Variants in KIF26B observed in about 807,000 individuals in gnomAD.
KIF26B encodes the protein kinesin family member 26B.
Under a neutral mutation model 151.2 loss-of-function variants are expected in KIF26B, and 63 were observed. That is an observed-to-expected ratio of 0.42 (90% CI 0.34 to 0.51). KIF26B has a LOEUF of 0.51. Ranked by LOEUF, KIF26B falls within the 20% of genes least tolerant of loss-of-function variation. KIF26B has a pLI of 0.07. For synonymous variants in KIF26B, 1,357 were observed against 1,262.1 expected, an observed-to-expected ratio of 1.08 and a Z score of -1.59; for missense variants, 2,813 against 2,913.6, an observed-to-expected ratio of 0.97 and a Z score of 0.79.
intron 5 of KIF26B, among the ~76,000 whole-genome samples, chr1:245,574,938 C>G (rs1321645284): frequency 6.8e-6 from 1 of 146,468 alleles, no homozygotes; most frequent in Non-Finnish European, 1.5e-5. Flanking sequence ...GATCTCGGCT[C>G]ACTGCAAGCT....
chr1:245,700,733 A>C (rs182961791), intron 14 of KIF26B, among the ~76,000 whole-genome samples: 3 of 152,308 alleles, frequency 2.0e-5, no homozygotes, highest in East Asian at 1.9e-4. Context: ...TGAGCAAAGA[A>C]AGACATGAAC....
At chr1:245,693,903 T>A (rs1241200775) in intron 12 of KIF26B, among the ~76,000 whole-genome samples, 1 of 152,206 alleles carries the variant, frequency 6.6e-6, no homozygotes, top group African/African-American at 2.4e-5. Context: ...CGAACCAACC[T>A]AGAGCCAGTT....
intron 2 of KIF26B, among the ~76,000 whole-genome samples, chr1:245,328,714 C>T (rs542578740): frequency 1.2e-4 from 18 of 152,268 alleles, no homozygotes; most frequent in South Asian, 4.1e-4. Flanking sequence ...GCACTGTGAC[C>T]GCCCTCCTGG....
At chr1:245,421,238 G>GT (rs1658481441) in intron 4 of KIF26B, among the ~76,000 whole-genome samples, 1 of 152,160 alleles carries the variant, frequency 6.6e-6, no homozygotes, top group South Asian at 2.1e-4. Flanking sequence ...CTCCTAGGAG[G>GT]TTATTAGAAC....
intron 2 of KIF26B, among the ~76,000 whole-genome samples, chr1:245,344,186 CTT>C (rs1252485114): frequency 1.3e-5 from 2 of 150,668 alleles, no homozygotes; most frequent in East Asian, 2.0e-4. Context: ...CTCCCTATCT[CTT>C]TCTTTCCTTT....
At chr1:245,460,390 G>A (rs914110640) in intron 4 of KIF26B, among the ~76,000 whole-genome samples, 1 of 152,120 alleles carries the variant, frequency 6.6e-6, no homozygotes, top group South Asian at 2.1e-4. Flanking sequence ...GTCAAATCCA[G>A]CCTGGAGTCC....
intron 2 of KIF26B, among the ~76,000 whole-genome samples, chr1:245,354,578 C>A (rs1672641743): frequency 6.6e-6 from 1 of 152,214 alleles, no homozygotes; most frequent in South Asian, 2.1e-4. Flanking sequence ...GGAGGCTGGG[C>A]CAGGCGGTCA....
At chr1:245,173,683 C>G (rs948796432) in intron 2 of KIF26B, among the ~76,000 whole-genome samples, 2 of 152,188 alleles carry the variant, frequency 1.3e-5, no homozygotes, top group Admixed American at 6.5e-5. Flanking sequence ...TCACTGCAGT[C>G]CCTTGGAGGG....
chr1:245,245,476 C>T (rs1325716525), intron 2 of KIF26B, among the ~76,000 whole-genome samples: 3 of 152,160 alleles, frequency 2.0e-5, no homozygotes, highest in African/African-American at 7.2e-5. Flanking sequence ...CTGGCTCAGT[C>T]TAGACTGCAG....
At chr1:245,365,274 C>A (rs551688775) in intron 2 of KIF26B, among the ~76,000 whole-genome samples, 2 of 152,348 alleles carry the variant, frequency 1.3e-5, no homozygotes, top group East Asian at 3.9e-4. Flanking sequence ...ACCTGAACCT[C>A]CCATTGCTTC....
chr1:245,543,673 G>A (rs1007172027), intron 5 of KIF26B, among the ~76,000 whole-genome samples: 1 of 152,200 alleles, frequency 6.6e-6, no homozygotes, highest in Non-Finnish European at 1.5e-5. Context: ...AAGTTGGCTG[G>A]GCGCGGTGGC....
At position 245,167,449 on chromosome 1, in the gene KIF26B, A is replaced by G. The variant is rs1668633544; in HGVS notation, c.465+10766A>G. Among the ~76,000 whole-genome samples, 1 of 152,168 alleles carries G rather than the reference A, an allele frequency of 6.6e-6. No individual in the cohort carries two copies. The highest frequency in any genetic ancestry group is 2.4e-5 in the African/African-American group (1 of 41,428). On this transcript the variant is annotated intron_variant, in intron 2 of 14. Coordinates refer to ENST00000407071, the MANE Select transcript of KIF26B (RefSeq NM_018012.4). This position sits in a 1 kb window ranked among gnomAD's most constrained non-coding sequence, Gnocchi z 4.2. ...CCCATGAAACTCTATCATCGTATTT[A>G]GAGTGGTTGCTTTCTTTGGGGTTAT...
intron 4 of KIF26B, among the ~76,000 whole-genome samples, chr1:245,430,512 A>T (rs539435210): frequency 3.3e-5 from 5 of 152,114 alleles, no homozygotes; most frequent in South Asian, 2.1e-4. Flanking sequence ...AGAAAAATTT[A>T]AAAAAGCAAC....
At chr1:245,421,410 G>A (rs771719084) in intron 4 of KIF26B, among the ~76,000 whole-genome samples, 1 of 152,116 alleles carries the variant, frequency 6.6e-6, no homozygotes, top group Non-Finnish European at 1.5e-5. Context: ...GTAGGCAAAG[G>A]CTAAATAACG....
At chr1:245,332,298 A>G (rs1349692657) in intron 2 of KIF26B, among the ~76,000 whole-genome samples, 1 of 152,170 alleles carries the variant, frequency 6.6e-6, no homozygotes, top group Admixed American at 6.5e-5. Flanking sequence ...TCATTCAGGC[A>G]GATGACTAAA....
chr1:245,202,633 G>T (rs918855473), intron 2 of KIF26B, among the ~76,000 whole-genome samples: 1 of 151,946 alleles, frequency 6.6e-6, no homozygotes, highest in African/African-American at 2.4e-5. Context: ...GGTGGCGGGC[G>T]CCTGTAGTCC....
At position 245,702,596 on chromosome 1, in the gene KIF26B, G is replaced by A; in HGVS notation, c.6317G>A (p.Arg2106Lys). The A allele has an allele frequency of 6.2e-7, 1 of 1,613,814 alleles. No homozygotes were observed. The highest frequency in any genetic ancestry group is 8.5e-7 in the Non-Finnish European group (1 of 1,179,800). The change falls in exon 15 of 15, where the codon AGG (arginine) becomes AAG (lysine). Residue 2106 changes from arginine to lysine, a missense_variant. This residue lies in a region of KIF26B where 2,060 missense variants were observed against 2,088.6 expected (regional missense o/e 0.99). Transcript: ENST00000407071. This position sits in a 1 kb window ranked among gnomAD's most constrained non-coding sequence, Gnocchi z 4.1. ...ATCACCTGCTTCGACATCACCTCCA[G>A]GCGCCGGTAGATGAGCCAGACCCTT... is the stretch of plus-strand genomic sequence containing the variant. ...MMITCFDITS[R>K]RR
At chr1:245,419,012 A>C (rs1470924529) in intron 3 of KIF26B, among the ~76,000 whole-genome samples, 1 of 152,194 alleles carries the variant, frequency 6.6e-6, no homozygotes, top group African/African-American at 2.4e-5. Context: ...TTCAAAAAAT[A>C]TTGGTAATTC....
intron 2 of KIF26B, among the ~76,000 whole-genome samples, chr1:245,216,791 T>C (rs950337447): frequency 2.6e-5 from 4 of 152,246 alleles, no homozygotes; most frequent in South Asian, 2.1e-4. Flanking sequence ...GCTAAATCAG[T>C]GTGTTGAAAG....
Sources: gnomAD v4.1 joint callset for allele counts (sites outside exome capture counted in the v4.1 genomes callset) on GRCh38, gnomAD v4.1.1 for gene constraint, gnomAD v4.1.1 regional missense constraint, Gnocchi (gnomAD v3.1) non-coding constraint, MANE v1.5 for transcripts, NCBI Gene and HGNC (gene_info 2026-07-23, HGNC 2026-07-21) for gene names.